The following THSD4 variants were observed in gnomAD, a reference collection of about 807,000 sequenced individuals.
THSD4 encodes the protein thrombospondin type-1 domain-containing protein 4.
In THSD4, 69 loss-of-function variants were observed where a neutral mutation model predicts 119.0. The ratio of observed to expected loss-of-function variants is 0.58; its 90% CI spans 0.48 to 0.71. The LOEUF is 0.71. Among genes scored for constraint, THSD4 ranks in the 30% least tolerant of loss-of-function variants. The pLI is 0.00. For synonymous variants in THSD4, 524 were observed against 540.4 expected (o/e 0.97, Z 0.42); for missense variants, 1,393 against 1,391.1 (o/e 1.00, Z -0.02).
chr15:71,414,200 C>T (rs564179116), intron 7 of THSD4, among the ~76,000 whole-genome samples: 100 of 152,308 alleles, frequency 6.6e-4, no homozygotes, highest in African/African-American at 2.3e-3. Context: ...TCCTGTGTTG[C>T]GGTGAAGAGT....
chr15:71,382,335 T>A (rs1009828142), intron 6 of THSD4, among the ~76,000 whole-genome samples: 2 of 152,228 alleles, frequency 1.3e-5, no homozygotes, highest in Non-Finnish European at 2.9e-5. Context: ...GAAAACGTTC[T>A]TCTTTTAACA....
chr15:71,232,240 G>A (rs2044067200), intron 4 of THSD4, among the ~76,000 whole-genome samples: 1 of 152,132 alleles, frequency 6.6e-6, no homozygotes, highest in Admixed American at 6.5e-5. Context: ...TTGACTTCTT[G>A]CATATGGAAA....
intron 7 of THSD4, among the ~76,000 whole-genome samples, chr15:71,650,994 A>G (rs1048470202): frequency 1.3e-5 from 2 of 152,246 alleles, no homozygotes; most frequent in African/African-American, 4.8e-5. Context: ...TTTTAGAGGA[A>G]AATTCTGATG....
At chr15:71,521,977 G>A (rs1041485234) in intron 7 of THSD4, among the ~76,000 whole-genome samples, 2 of 152,180 alleles carry the variant, frequency 1.3e-5, no homozygotes, top group Admixed American at 6.5e-5. Context: ...GTGTCCCTTT[G>A]TGTAAAAAAT....
intron 7 of THSD4, among the ~76,000 whole-genome samples, chr15:71,548,699 C>G (rs914278296): frequency 2.4e-4 from 37 of 152,224 alleles, no homozygotes; most frequent in African/African-American, 8.4e-4. Context: ...ATGCTGGAAG[C>G]TGAAAGCAGA....
At chr15:71,439,081 C>G (rs2047053854) in intron 7 of THSD4, among the ~76,000 whole-genome samples, 1 of 152,044 alleles carries the variant, frequency 6.6e-6, no homozygotes, top group African/African-American at 2.4e-5. Context: ...TTGAAAAATG[C>G]AGAATATGCT....
intron 5 of THSD4, among the ~76,000 whole-genome samples, chr15:71,250,645 C>G (rs754292042): frequency 1.4e-4 from 21 of 152,066 alleles, no homozygotes; most frequent in Non-Finnish European, 2.8e-4. Context: ...TTACATTTTG[C>G]CATGTGCTTC....
At chr15:71,663,277 CA>C (rs1196584292) in intron 8 of THSD4, among the ~76,000 whole-genome samples, 1 of 151,806 alleles carries the variant, frequency 6.6e-6, no homozygotes, top group African/African-American at 2.4e-5. Context: ...AGAAAAAAGT[CA>C]ATGGAGAGGT....
intron 7 of THSD4, among the ~76,000 whole-genome samples, chr15:71,616,440 C>A (rs986316416): frequency 1.3e-5 from 2 of 152,058 alleles, no homozygotes; most frequent in Non-Finnish European, 2.9e-5. Context: ...GGGAGGGTGA[C>A]CAGGACCAGT....
intron 3 of THSD4, among the ~76,000 whole-genome samples, chr15:71,163,276 A>G (rs1409066858): frequency 3.3e-5 from 5 of 151,648 alleles, no homozygotes; most frequent in Non-Finnish European, 5.9e-5. Context: ...AACCTCTGCA[A>G]TTATTAGTTT....
chr15:71,204,791 G>A (rs1561886), intron 3 of THSD4, among the ~76,000 whole-genome samples: 14,204 of 152,028 alleles, frequency 0.093, 828 homozygotes, highest in East Asian at 0.18. Flanking sequence ...CTTAGCTTAC[G>A]TACCATGTGA....
At chr15:71,567,117 C>T (rs1293046724) in intron 7 of THSD4, among the ~76,000 whole-genome samples, 1 of 152,148 alleles carries the variant, frequency 6.6e-6, no homozygotes, top group African/African-American at 2.4e-5. Flanking sequence ...ATAGCTGTGG[C>T]ATTCATAATG....
At chr15:71,437,777 T>C (rs2047033611) in intron 7 of THSD4, among the ~76,000 whole-genome samples, 2 of 152,212 alleles carry the variant, frequency 1.3e-5, no homozygotes, top group Non-Finnish European at 2.9e-5. Flanking sequence ...TGATAGCTAG[T>C]GGGTGGCAAA....
chr15:71,237,535 C>T (rs1489867694), intron 4 of THSD4, among the ~76,000 whole-genome samples: 1 of 152,144 alleles, frequency 6.6e-6, no homozygotes, highest in Non-Finnish European at 1.5e-5. Flanking sequence ...GTCCCAGGAC[C>T]CACCACATCA....
chr15:71,526,409 C>T (rs2048518995), intron 7 of THSD4, among the ~76,000 whole-genome samples: 1 of 152,158 alleles, frequency 6.6e-6, no homozygotes, highest in African/African-American at 2.4e-5. Context: ...GAGAGAGTCG[C>T]TTAGAGGTCT....
intron 7 of THSD4, among the ~76,000 whole-genome samples, chr15:71,568,680 C>A (rs998228272): frequency 6.6e-6 from 1 of 150,866 alleles, no homozygotes; most frequent in African/African-American, 2.4e-5. Context: ...CATGTTGGTG[C>A]GCTGCACCCA....
At chr15:71,148,431 C>T (rs891603452) in intron 2 of THSD4, among the ~76,000 whole-genome samples, 7 of 152,206 alleles carry the variant, frequency 4.6e-5, no homozygotes, top group African/African-American at 1.7e-4. Context: ...TTGATATTCA[C>T]CTTGGTGCCT....
intron 4 of THSD4, among the ~76,000 whole-genome samples, chr15:71,216,972 T>C (rs1358312948): frequency 1.3e-5 from 2 of 152,086 alleles, no homozygotes; most frequent in African/African-American, 4.8e-5. Flanking sequence ...AATTTTTGTA[T>C]CTTTAGTAGA....
chr15:71,270,738 A>G (rs1426509241), intron 6 of THSD4, among the ~76,000 whole-genome samples: 1 of 152,138 alleles, frequency 6.6e-6, no homozygotes, highest in East Asian at 1.9e-4. Flanking sequence ...GAACATCAGA[A>G]GAGGTCAAGG....
Sources: allele counts gnomAD v4.1 joint callset (sites outside exome capture counted in the v4.1 genomes callset), GRCh38; gene constraint gnomAD v4.1.1; transcripts MANE v1.5; gene names NCBI Gene and HGNC (gene_info 2026-07-23, HGNC 2026-07-21).